Variants in CSGALNACT1 observed in about 807,000 individuals in gnomAD.
CSGALNACT1 encodes the protein chondroitin sulfate N-acetylgalactosaminyltransferase 1, also known as beta4GalNAcT-1.
In CSGALNACT1, 52 loss-of-function variants were observed where a neutral mutation model predicts 51.0. That is an observed-to-expected ratio of 1.02 (90% confidence interval 0.82 to 1.29). The LOEUF (loss-of-function observed/expected upper bound fraction) is 1.29. CSGALNACT1 is among the 50% of genes most tolerant of loss of function. The probability of loss-of-function intolerance (pLI) is 0.00; values close to 1 mark genes in which losing one functional copy is unlikely to be tolerated. For missense variants in CSGALNACT1, 935 were observed against 679.2 expected (o/e 1.38, Z -4.19); for synonymous variants, 341 against 254.4 (o/e 1.34, Z -3.24).
At chr8:19,467,887 G>C (rs79847176) in intron 4 of CSGALNACT1, among the ~76,000 whole-genome samples, 1,572 of 152,324 alleles carry the variant, frequency 0.01, 9 homozygotes, top group Non-Finnish European at 0.016. Context: ...TCAGGAGGCT[G>C]AGGTAGGAGG....
chr8:19,716,692 T>G (rs2062831332), intron 1 of CSGALNACT1, among the ~76,000 whole-genome samples: 2 of 147,838 alleles, frequency 1.4e-5, no homozygotes, highest in South Asian at 4.3e-4. Context: ...CTCAGGAGAC[T>G]GAGGCATGAG....
At chr8:19,498,490 C>T (rs141382770) in intron 4 of CSGALNACT1, among the ~76,000 whole-genome samples, 2 of 152,280 alleles carry the variant, frequency 1.3e-5, no homozygotes, top group African/African-American at 4.8e-5. Context: ...CTTTGCCTGC[C>T]CATCTCCCCT....
intron 1 of CSGALNACT1, among the ~76,000 whole-genome samples, chr8:19,653,212 C>T (rs985922361): frequency 1.3e-5 from 2 of 152,142 alleles, no homozygotes; most frequent in African/African-American, 4.8e-5. Context: ...AACCCACATT[C>T]CCAATGGATG....
intron 3 of CSGALNACT1, among the ~76,000 whole-genome samples, chr8:19,551,721 T>C (rs1158815863): frequency 1.3e-5 from 2 of 151,540 alleles, no homozygotes; most frequent in Non-Finnish European, 2.9e-5. Context: ...GCTAATCCAA[T>C]TCCCACTCAA....
intron 1 of CSGALNACT1, among the ~76,000 whole-genome samples, chr8:19,726,214 ATAAGT>A (rs1203704654): frequency 6.6e-6 from 1 of 152,228 alleles, no homozygotes; most frequent in African/African-American, 2.4e-5. Flanking sequence ...AGACTTTAAG[ATAAGT>A]TAACATTAAA....
At chr8:19,469,756 C>A (rs11786904) in intron 4 of CSGALNACT1, among the ~76,000 whole-genome samples, 5 of 151,994 alleles carry the variant, frequency 3.3e-5, no homozygotes, top group African/African-American at 1.2e-4. Context: ...CACAGACACT[C>A]TCTGTTACCT....
At chr8:19,592,053 A>G (rs1354304285) in intron 2 of CSGALNACT1, among the ~76,000 whole-genome samples, 1 of 152,130 alleles carries the variant, frequency 6.6e-6, no homozygotes, top group Non-Finnish European at 1.5e-5. Context: ...AATGAAAAAC[A>G]GCCTTTAAAA....
intron 5 of CSGALNACT1, chr8:19,457,884 T>A: frequency 9.7e-7 from 1 of 1,026,818 alleles, no homozygotes; most frequent in Non-Finnish European, 1.4e-6. Flanking sequence ...ACCTTCTTGG[T>A]ATAATTCTAC....
chr8:19,633,035 T>G (rs2055513414), intron 1 of CSGALNACT1, among the ~76,000 whole-genome samples: 1 of 151,760 alleles, frequency 6.6e-6, no homozygotes, highest in Non-Finnish European at 1.5e-5. Flanking sequence ...GCCAAAATGC[T>G]GAGATCACAA....
At chr8:19,721,962 AT>A in intron 1 of CSGALNACT1, among the ~76,000 whole-genome samples, 1 of 152,270 alleles carries the variant, frequency 6.6e-6, no homozygotes, top group South Asian at 2.1e-4. Flanking sequence ...ACAGTAAAAC[AT>A]TTACTGTGTC....
chr8:19,731,909 G>C (rs1479681255), intron 1 of CSGALNACT1, among the ~76,000 whole-genome samples: 1 of 152,152 alleles, frequency 6.6e-6, no homozygotes, highest in African/African-American at 2.4e-5. Context: ...TAATAACCAA[G>C]CTGTCAGGCC....
chr8:19,423,648 CT>C (rs911740877), intron 6 of CSGALNACT1, among the ~76,000 whole-genome samples: 7 of 151,458 alleles, frequency 4.6e-5, no homozygotes, highest in African/African-American at 1.2e-4. Flanking sequence ...TTTGGAAGAA[CT>C]TTTTTTTTAA....
At chr8:19,710,409 A>ATGATC (rs1372320148) in intron 1 of CSGALNACT1, among the ~76,000 whole-genome samples, 1 of 152,220 alleles carries the variant, frequency 6.6e-6, no homozygotes, top group Non-Finnish European at 1.5e-5. Context: ...TGTAAAAGAA[A>ATGATC]TAGATCGCCT....
At chr8:19,447,103 C>T (rs769687330) in intron 5 of CSGALNACT1, among the ~76,000 whole-genome samples, 4 of 152,144 alleles carry the variant, frequency 2.6e-5, no homozygotes, top group African/African-American at 7.2e-5. Context: ...GGCCGTTGTT[C>T]GTAGCCTTAG....
At chr8:19,469,786 G>C (rs953354877) in intron 4 of CSGALNACT1, among the ~76,000 whole-genome samples, 1 of 152,126 alleles carries the variant, frequency 6.6e-6, no homozygotes, top group Non-Finnish European at 1.5e-5. Context: ...ACCCCATTCT[G>C]GGTTTTTCAT....
intron 1 of CSGALNACT1, among the ~76,000 whole-genome samples, chr8:19,737,401 A>G (rs1401761319): frequency 7.9e-5 from 12 of 152,216 alleles, no homozygotes; most frequent in Admixed American, 7.2e-4. Context: ...TACAAGATAG[A>G]TAAGGCAAAA....
intron 3 of CSGALNACT1, among the ~76,000 whole-genome samples, chr8:19,547,147 C>T (rs1030571208): frequency 1.3e-4 from 20 of 152,264 alleles, no homozygotes; most frequent in Admixed American, 3.9e-4. Context: ...ACGAAGGGCT[C>T]CATGATGCCA....
chr8:19,539,514 T>C (rs1392344183), intron 3 of CSGALNACT1, among the ~76,000 whole-genome samples: 2 of 152,162 alleles, frequency 1.3e-5, no homozygotes, highest in Admixed American at 1.3e-4. Context: ...TGGAAGGGAA[T>C]TTAAAGCAAG....
intron 3 of CSGALNACT1, among the ~76,000 whole-genome samples, chr8:19,584,593 C>T (rs1266109537): frequency 6.6e-6 from 1 of 152,120 alleles, no homozygotes; most frequent in Non-Finnish European, 1.5e-5. Flanking sequence ...TAAAGTATTG[C>T]TAATAAATAC....
Sources: allele counts gnomAD v4.1 joint callset (sites outside exome capture counted in the v4.1 genomes callset), GRCh38; gene constraint gnomAD v4.1.1; transcripts MANE v1.5; gene names NCBI Gene and HGNC (gene_info 2026-07-23, HGNC 2026-07-21).